Variants in CFHR1 observed in about 807,000 individuals in gnomAD.
The protein encoded by CFHR1 is complement factor H-related protein 1.
In CFHR1, 22 loss-of-function variants were observed where a neutral mutation model predicts 30.4. The observed-to-expected ratio is 0.72, with a 90% CI of 0.52 to 1.03. The LOEUF (loss-of-function observed/expected upper bound fraction) is 1.03. Among genes scored for constraint, CFHR1 ranks in the 50% least tolerant of loss-of-function variants. CFHR1 has a pLI of 0.00. For missense variants in CFHR1, 248 were observed against 380.6 expected (o/e 0.65, Z 2.90); for synonymous variants, 95 against 129.1 (o/e 0.74, Z 1.79).
At position 196,830,688 on chromosome 1, in the gene CFHR1, T is replaced by C. The variant is rs1181655376; in HGVS notation, c.790+6T>C. 7 of 1,521,512 alleles carry C rather than the reference T, an allele frequency of 4.6e-6. No individual in the cohort carries two copies. The East Asian group carries it at 1.6e-4, about 34-fold the overall frequency. The allele number at this position is 1,521,512 out of a possible 1,614,324, so 94.3% of individuals were successfully genotyped here. On this transcript the variant is annotated splice_donor_region_variant and intron_variant, in intron 5 of 5. Coordinates refer to ENST00000320493, the MANE Select transcript of CFHR1 (RefSeq NM_002113.3). ...AGAACCACCAAAATGCTTACGTAAG[T>C]ACTTTAATATTCACGTGGCTGGAAA...
rs199654276 is a variant in CFHR1, at chr1:196,826,481, TG to T, written c.254-347del. On this transcript the variant is annotated intron_variant, in intron 2 of 5. Transcript: ENST00000320493. ...GAAAGCTTTCCTTTTTAATTTTTTT[TG>T]TTCGTTTGTTTGTTTTGTTTTGTTT... Among the ~76,000 whole-genome samples, 2 of 130,038 alleles carry T rather than the reference TG, an allele frequency of 1.5e-5. 1 individual carries two copies. The highest frequency in any genetic ancestry group is 3.2e-5 in the Non-Finnish European group (2 of 62,710). 85.3% of individuals were successfully genotyped at this position (130,038 alleles called of 152,430 possible). A position where few individuals can be genotyped will look rare whatever the true frequency, so the allele number is the denominator to read the frequency against.
chr1:196,825,883 C>T (rs1403641541), intron 2 of CFHR1: 4 of 454,236 alleles, frequency 8.8e-6, no homozygotes, highest in Non-Finnish European at 1.5e-5. Flanking sequence ...AAATGCTCTA[C>T]GTGTTGAAAT....
chr1:196,822,686 G>C (rs926647678), intron 1 of CFHR1, among the ~76,000 whole-genome samples: 2 of 133,772 alleles, frequency 1.5e-5, no homozygotes, highest in Non-Finnish European at 3.1e-5. Flanking sequence ...GATAACAAAG[G>C]TTTCTTCTAG....
At chr1:196,826,329 C>G (rs1363718411) in intron 2 of CFHR1, among the ~76,000 whole-genome samples, 2 of 134,340 alleles carry the variant, frequency 1.5e-5, no homozygotes, top group Admixed American at 1.4e-4. Flanking sequence ...TTATAAAAAC[C>G]ATAGAGCAAG....
At chr1:196,825,773 A>G in intron 2 of CFHR1, 102 bp downstream of exon 2, 1 of 1,203,180 alleles carries the variant, frequency 8.3e-7, no homozygotes, top group South Asian at 1.5e-5. Flanking sequence ...GACAGTGACC[A>G]AAGAAGCTGG....
In CFHR1 at chr1:196,826,731, T is replaced by A; in HGVS notation, c.254-98T>A. ...TCCCAAAGCGCAGAGATTACCAGAG[T>A]GAGCCACTTCACCCGGTTTATTAAA... On this transcript the variant is annotated intron_variant, in intron 2 of 5. Transcript: ENST00000320493. 5 of 1,162,298 alleles carry A rather than the reference T, an allele frequency of 4.3e-6. 2 individuals are homozygous for A. Among genetic ancestry groups the A allele is most frequent in the Non-Finnish European group, 6.0e-6 (5 of 827,340 alleles). 72.0% of individuals were successfully genotyped at this position (1,162,298 alleles called of 1,614,324 possible). A position where few individuals can be genotyped will look rare whatever the true frequency, so the allele number is the denominator to read the frequency against.
chr1:196,822,616 G>A (rs1467093489), intron 1 of CFHR1, among the ~76,000 whole-genome samples: 2 of 133,848 alleles, frequency 1.5e-5, no homozygotes, highest in East Asian at 3.9e-4. Context: ...TTCTTCCCCC[G>A]CTCTTGTCCC....
At position 196,830,601 on chromosome 1, in the gene CFHR1, T is replaced by C. The variant is rs1334032017; in HGVS notation, c.709T>C (p.Cys237Arg). 2.6e-6 allele frequency: 4 copies of C among 1,524,222 alleles called. 1 individual carries two copies. In the East Asian group the frequency reaches 9.0e-5, roughly 34 times the overall value. The allele number at this position is 1,524,222 out of a possible 1,614,324, so 94.4% of individuals were successfully genotyped here. ...TCCAGCTTCATCAGTTGAGTACCAA[T>C]GCCAGAACTTGTATCAACTTGAGGG... ...YAPASSVEYQCQNLYQLEGNK... is the reference protein window; with the variant it reads ...YAPASSVEYQRQNLYQLEGNK... Residue 237 changes from cysteine to arginine, a missense_variant, in exon 5 of 6, where the codon TGC becomes CGC. Physicochemically the swap from Cys to Arg is radical, Grantham distance 180. Transcript: ENST00000320493.
At chr1:196,831,655 T>C (rs1655562616) in intron 5 of CFHR1, 142 bp from the exon 6 acceptor site, 1 of 1,135,348 alleles carries the variant, frequency 8.8e-7, no homozygotes, top group African/African-American at 2.0e-5. Flanking sequence ...TAAATCAATA[T>C]GATGTTTTTA....
At chr1:196,822,619 C>G (rs1655160882) in intron 1 of CFHR1, among the ~76,000 whole-genome samples, 1 of 134,480 alleles carries the variant, frequency 7.4e-6, no homozygotes, top group Admixed American at 7.2e-5. Flanking sequence ...TTCCCCCGCT[C>G]TTGTCCCACT....
intron 1 of CFHR1, among the ~76,000 whole-genome samples, chr1:196,825,020 T>C (rs73076042): frequency 0.019 from 2,473 of 129,918 alleles, 686 homozygotes; most frequent in African/African-American, 0.076. Context: ...ACATCTTTAC[T>C]GCACCAGAAA....
Position 196,826,998 on chromosome 1 carries a change from G to A in CFHR1, c.423G>A (p.Arg141=). 1 of 1,524,022 alleles carries A rather than the reference G, an allele frequency of 6.6e-7. No individual in the cohort carries two copies. The highest frequency in any genetic ancestry group is 8.9e-7 in the Non-Finnish European group (1 of 1,128,518). The allele number at this position is 1,524,022 out of a possible 1,614,324, so 94.4% of individuals were successfully genotyped here. Residue 141 remains arginine (R), a synonymous_variant, in exon 3 of 6, where the codon AGG becomes AGA. Transcript: ENST00000320493. ...GCTGGTCCACCCCTCCCAAATGCAG[G>A]TCCACTGGTAAGTACAATGCTGTTC... ...ERGWSTPPKC[R]STDTSCVNPP...
rs758984798 is a variant in CFHR1, at chr1:196,825,557, A to G, written c.139A>G (p.Thr47Ala). The G allele has an allele frequency of 8.5e-6, 13 of 1,522,798 alleles. No homozygotes were observed. In the East Asian group the frequency reaches 2.5e-4, roughly 29 times the overall value. The allele number at this position is 1,522,798 out of a possible 1,614,324, so 94.3% of individuals were successfully genotyped here. The change falls in exon 2 of 6, where the codon ACA becomes GCA. Residue 47 changes from threonine to alanine, a missense_variant. Transcript: ENST00000320493. ...ATATAAGCCATTTTCCCAGGTTCCT[A>G]CAGGGGAAGTTTTCTATTACTCCTG... ...EKYKPFSQVPTGEVFYYSCEY... is the reference protein window; with the variant it reads ...EKYKPFSQVPAGEVFYYSCEY...
At chr1:196,825,437 AC>A (rs1655284751) in intron 1 of CFHR1, 39 bp from the exon 2 acceptor site, 2 of 1,276,346 alleles carry the variant, frequency 1.6e-6, no homozygotes, top group Admixed American at 1.8e-5. Context: ...TATTTATGTA[AC>A]TTATTATGTA....
At position 196,825,921 on chromosome 1, in the gene CFHR1, A is replaced by G. The variant is rs1205821132; in HGVS notation, c.253+250A>G. 14 of 343,412 alleles carry G rather than the reference A, an allele frequency of 4.1e-5. 4 individuals are homozygous for G. In the South Asian group the frequency reaches 5.9e-4, roughly 15 times the overall value. The allele number at this position is 343,412 out of a possible 1,614,324, so 21.3% of individuals were successfully genotyped here. A position where few individuals can be genotyped will look rare whatever the true frequency, so the allele number is the denominator to read the frequency against. ...ATTAATTTTTTTAAACTGATCTTTA[A>G]TATATTTGACTGCTAATATTTCTTT... On this transcript the variant is annotated intron_variant, in intron 2 of 5. Coordinates refer to ENST00000320493, the MANE Select transcript of CFHR1 (RefSeq NM_002113.3).
Position 196,830,518 on chromosome 1 carries a change from G to T in CFHR1, c.626G>T (p.Gly209Val). The T allele has an allele frequency of 2.0e-6, 3 of 1,524,754 alleles. 1 individual carries two copies. Among genetic ancestry groups the T allele is most frequent in the Non-Finnish European group, 2.7e-6 (3 of 1,129,186 alleles). 94.5% of individuals were successfully genotyped at this position (1,524,754 alleles called of 1,614,324 possible). Residue 209 changes from glycine (G) to valine (V), a missense_variant, in exon 5 of 6, where the codon GGG becomes GTG. Physicochemically the swap from Gly to Val is moderately radical, Grantham distance 109. Around this residue, in one of 3 missense-constraint regions of CFHR1, gnomAD observed 112 missense variants for 156.4 expected, o/e 0.72. Coordinates refer to ENST00000320493, the MANE Select transcript of CFHR1 (RefSeq NM_002113.3). ...TTTTTAGATTCTACGGGAAAATGTG[G>T]GCCCCCTCCACCTATTGACAATGGG... is the stretch of plus-strand genomic sequence containing the variant. ...PQCKDSTGKC[G>V]PPPPIDNGDI... is the part of the protein sequence containing the mutation.
intron 1 of CFHR1, among the ~76,000 whole-genome samples, chr1:196,823,492 C>G (rs1401822922): frequency 7.5e-6 from 1 of 134,224 alleles, no homozygotes; most frequent in South Asian, 2.5e-4. Context: ...ACACCTTTAC[C>G]AAAACTATCT....
intron 4 of CFHR1, among the ~76,000 whole-genome samples, chr1:196,828,797 T>G (rs1655436814): frequency 2.1e-5 from 1 of 46,710 alleles, no homozygotes; most frequent in Admixed American, 2.8e-4. Context: ...TGTCCTGTGT[T>G]TTTTTTTTTT....
chr1:196,823,478 C>G (rs555148302), intron 1 of CFHR1, among the ~76,000 whole-genome samples: 1 of 134,750 alleles, frequency 7.4e-6, no homozygotes, highest in East Asian at 2.0e-4. Context: ...GAGTCTTTCC[C>G]TCAACACCTT....
Sources: gnomAD v4.1 joint callset for allele counts (sites outside exome capture counted in the v4.1 genomes callset) on GRCh38, gnomAD v4.1.1 for gene constraint, gnomAD v4.1.1 regional missense constraint, MANE v1.5 for transcripts, NCBI Gene and HGNC (gene_info 2026-07-23, HGNC 2026-07-21) for gene names.